Variants in VWA3B observed in about 807,000 individuals in gnomAD.
VWA3B encodes von Willebrand factor A domain containing 3B.
Under a neutral mutation model 158.3 loss-of-function variants are expected in VWA3B, and 138 were observed. The observed-to-expected ratio is 0.87, with a 90% CI of 0.76 to 1.00. The LOEUF is 1.00. Among genes scored for constraint, VWA3B ranks in the 50% least tolerant of loss-of-function variants. VWA3B has a pLI of 0.00. For synonymous variants in VWA3B, 596 were observed against 587.3 expected (o/e 1.01, Z -0.21); for missense variants, 1,555 against 1,565.1 (o/e 0.99, Z 0.11).
chr2:98,317,730 T>C (rs555290279), downstream of VWA3B, among the ~76,000 whole-genome samples: 11 of 152,314 alleles, frequency 7.2e-5, no homozygotes, highest in African/African-American at 2.2e-4. Context: ...AATTGATGTC[T>C]CATGTCTCCC....
At chr2:98,143,133 G>T (rs771976744) in intron 7 of VWA3B, among the ~76,000 whole-genome samples, 1 of 151,944 alleles carries the variant, frequency 6.6e-6, no homozygotes, top group Non-Finnish European at 1.5e-5. Context: ...TCCATCTCCT[G>T]GGTTCAAGTG....
chr2:98,150,967 C>G (rs1043861627), intron 7 of VWA3B, among the ~76,000 whole-genome samples: 3 of 152,232 alleles, frequency 2.0e-5, no homozygotes, highest in African/African-American at 7.2e-5. Flanking sequence ...TGGCATATAT[C>G]TTGCACTTGA....
chr2:98,258,552 A>G (rs1427201349), intron 21 of VWA3B, among the ~76,000 whole-genome samples: 20 of 151,820 alleles, frequency 1.3e-4, no homozygotes, highest in Non-Finnish European at 1.2e-4. Flanking sequence ...AGTTTTCAGT[A>G]TACCTGCCTT....
intron 8 of VWA3B, among the ~76,000 whole-genome samples, chr2:98,178,632 G>C (rs915523287): frequency 2.6e-5 from 4 of 152,208 alleles, no homozygotes; most frequent in Non-Finnish European, 5.9e-5. Context: ...GGGTTACCAA[G>C]TCATAACTGA....
intron 7 of VWA3B, among the ~76,000 whole-genome samples, chr2:98,156,473 C>T (rs1678086384): frequency 6.6e-6 from 1 of 152,170 alleles, no homozygotes; most frequent in Non-Finnish European, 1.5e-5. Flanking sequence ...AGGACAGAGG[C>T]TGAGCAGATG....
intron 9 of VWA3B, among the ~76,000 whole-genome samples, chr2:98,182,648 G>T (rs756882830): frequency 1.3e-5 from 2 of 152,168 alleles, no homozygotes; most frequent in African/African-American, 2.4e-5. Flanking sequence ...GGCCAGGCAT[G>T]GTGGCTTACG....
intron 7 of VWA3B, among the ~76,000 whole-genome samples, chr2:98,138,517 G>A (rs1455985265): frequency 6.6e-6 from 1 of 152,152 alleles, no homozygotes; most frequent in Non-Finnish European, 1.5e-5. Context: ...TCCCTGCTGC[G>A]TATGCCCCCT....
the VWA3B span, among the ~76,000 whole-genome samples, chr2:98,327,910 A>G: frequency 6.6e-6 from 1 of 152,222 alleles, no homozygotes; most frequent in African/African-American, 2.4e-5. Flanking sequence ...CCTATTGCTC[A>G]GATAGGGCCC....
intron 25 of VWA3B, among the ~76,000 whole-genome samples, chr2:98,302,906 A>T (rs1451660288): frequency 6.6e-6 from 1 of 152,212 alleles, no homozygotes; most frequent in East Asian, 1.9e-4. Context: ...CCACTGGAGC[A>T]CTGTATCCAA....
chr2:98,157,793 A>T (rs1434351283), intron 7 of VWA3B, among the ~76,000 whole-genome samples: 4 of 151,458 alleles, frequency 2.6e-5, no homozygotes. Flanking sequence ...ACAAACAATG[A>T]GCCACAGTAG....
intron 8 of VWA3B, among the ~76,000 whole-genome samples, chr2:98,178,972 A>G (rs939763648): frequency 1.3e-5 from 2 of 152,188 alleles, no homozygotes; most frequent in Admixed American, 6.5e-5. Context: ...GTGGGGCCAA[A>G]ATCTCAGGGT....
chr2:98,115,585 C>T (rs1283798567), intron 2 of VWA3B, 67 bp from the exon 3 acceptor site: 5 of 1,252,244 alleles, frequency 4.0e-6, no homozygotes, highest in Non-Finnish European at 5.8e-6. Flanking sequence ...AAAAACATTT[C>T]AAAATAAAAA....
Position 98,216,965 on chromosome 2 carries a change from T to A in VWA3B, c.1837-881T>A, listed in dbSNP as rs984906365. 2.4e-6 allele frequency: 3 copies of A among 1,273,226 alleles called. No homozygotes were observed. The African/African-American group carries it at 5.1e-5, about 22-fold the overall frequency. 78.9% of individuals were successfully genotyped at this position (1,273,226 alleles called of 1,614,324 possible). A position where few individuals can be genotyped will look rare whatever the true frequency, so the allele number is the denominator to read the frequency against. ...ACAGCATGAGTGGGAGAGACTGTCA[T>A]GTGTATCATTGTAAGCACCCGCCCC... is the stretch of plus-strand genomic sequence containing the variant. On this transcript the variant is annotated intron_variant, in intron 13 of 27. Coordinates refer to ENST00000477737, the MANE Select transcript of VWA3B (RefSeq NM_144992.5).
intron 1 of VWA3B, among the ~76,000 whole-genome samples, chr2:98,090,151 C>T (rs931506001): frequency 2.0e-5 from 3 of 152,202 alleles, no homozygotes; most frequent in African/African-American, 7.2e-5. Context: ...TTCTTCTGAG[C>T]TTCCCTTTCT....
chr2:98,101,723 A>G (rs749571887), intron 2 of VWA3B, among the ~76,000 whole-genome samples: 11 of 152,004 alleles, frequency 7.2e-5, no homozygotes, highest in Non-Finnish European at 1.0e-4. Flanking sequence ...CATGGACTAC[A>G]GCCCTGTGCC....
At chr2:98,177,237 G>A (rs1680086331) in intron 8 of VWA3B, among the ~76,000 whole-genome samples, 1 of 152,182 alleles carries the variant, frequency 6.6e-6, no homozygotes, top group Admixed American at 6.5e-5. Context: ...ATTGACAAGT[G>A]GGATGGGGAG....
chr2:98,102,349 C>T (rs1257100843), intron 2 of VWA3B, among the ~76,000 whole-genome samples: 1 of 152,152 alleles, frequency 6.6e-6, no homozygotes. Flanking sequence ...GACAAAACCG[C>T]CATCGTCATC....
intron 8 of VWA3B, among the ~76,000 whole-genome samples, chr2:98,168,888 G>A (rs894083750): frequency 3.9e-5 from 6 of 152,270 alleles, no homozygotes; most frequent in Admixed American, 6.5e-5. Context: ...GGATTCCTGC[G>A]GGGAGGAAGT....
In VWA3B at chr2:98,311,963, G is replaced by C; in HGVS notation, c.3666G>C (p.Ser1222=). 6.2e-7 allele frequency: 1 copy of C among 1,605,000 alleles called. No individual in the cohort carries two copies. Among genetic ancestry groups the C allele is most frequent in the Non-Finnish European group, 8.5e-7 (1 of 1,175,786 alleles). The change falls in exon 27 of 28, where the codon TCG becomes TCC. Residue 1222 remains serine, a synonymous_variant. Transcript: ENST00000477737. ...AKQPLQQAAP[S]DSDGSSHGIS... is the part of the protein sequence containing the mutation. ...AGCCACTCCAGCAGGCGGCGCCCTC[G>C]GACTCGGACGGCTCCTCCCACGGCA... is the stretch of plus-strand genomic sequence containing the variant.
Sources: allele counts gnomAD v4.1 joint callset (sites outside exome capture counted in the v4.1 genomes callset), GRCh38; gene constraint gnomAD v4.1.1; transcripts MANE v1.5; gene names NCBI Gene and HGNC (gene_info 2026-07-23, HGNC 2026-07-21).